NOX4: variants seen among roughly 807,000 people sequenced by gnomAD.
NOX4 encodes the protein NADPH oxidase 4, also known as kidney oxidase-1.
A neutral mutation model predicts 87.6 loss-of-function variants in NOX4; 69 were observed. The observed-to-expected ratio is 0.79, with a 90% CI of 0.65 to 0.96. The LOEUF (loss-of-function observed/expected upper bound fraction) is 0.96, where lower values mean the gene tolerates loss of function less well. Among genes scored for constraint, NOX4 ranks in the 40% least tolerant of loss-of-function variants. NOX4 has a pLI of 0.00. For missense variants in NOX4, 680 were observed against 681.5 expected (o/e 1.00, Z 0.02); for synonymous variants, 275 against 238.2 (o/e 1.15, Z -1.42).
chr11:89,395,432 A>T (rs140674822), intron 11 of NOX4, among the ~76,000 whole-genome samples: 1 of 151,872 alleles, frequency 6.6e-6, no homozygotes, highest in Non-Finnish European at 1.5e-5. Flanking sequence ...GATTGCAAAA[A>T]TTTTCTCCCA....
At position 89,481,402 on chromosome 11, in the gene NOX4, T is replaced by G. The variant is rs1946385840; in HGVS notation, c.153+9056A>C. ...ATTTGCTGAATGCCTATGTACCAAGTGCTAAGCACTTCACCTGCATTTTCT... is the reference window on the plus strand; with the variant it reads ...ATTTGCTGAATGCCTATGTACCAAGGGCTAAGCACTTCACCTGCATTTTCT... On this transcript the variant is annotated intron_variant, in intron 2 of 17. Transcript: ENST00000263317. Among the ~76,000 whole-genome samples the G allele has an allele frequency of 2.0e-5, 3 of 150,460 alleles. 1 individual carries two copies. The highest frequency in any genetic ancestry group is 7.4e-5 in the African/African-American group (3 of 40,550).
At position 89,488,553 on chromosome 11, in the gene NOX4, G is replaced by C. The variant is rs114329438; in HGVS notation, c.153+1905C>G. Among the ~76,000 whole-genome samples, 322 of 152,078 alleles carry C rather than the reference G, an allele frequency of 2.1e-3. 1 individual carries two copies. The highest frequency in any genetic ancestry group is 7.4e-3 in the African/African-American group (305 of 41,490). ...GGTTTCCAAATAATTATTTTTTTAA[G>C]AAATAAGATGTTATTTTAGCTTATA... On this transcript the variant is annotated intron_variant, in intron 2 of 17. Coordinates refer to ENST00000263317, the MANE Select transcript of NOX4 (RefSeq NM_016931.5).
chr11:89,560,949 C>A, the NOX4 span, among the ~76,000 whole-genome samples: 1 of 126,910 alleles, frequency 7.9e-6, no homozygotes, highest in Non-Finnish European at 1.6e-5. Flanking sequence ...CTAAAAAATT[C>A]CCATCTCATC....
chr11:89,556,704 G>A, the NOX4 span, among the ~76,000 whole-genome samples: 1 of 152,074 alleles, frequency 6.6e-6, no homozygotes, highest in African/African-American at 2.4e-5. Flanking sequence ...TCAATTCAGG[G>A]GAACGGTAAT....
At chr11:89,501,685 C>T (rs1047633939), upstream of NOX4, among the ~76,000 whole-genome samples, 1 of 152,036 alleles carries the variant, frequency 6.6e-6, no homozygotes, top group African/African-American at 2.4e-5. Context: ...CTCACTCTTG[C>T]CACCTTCTGA....
chr11:89,521,605 A>G, the NOX4 span, among the ~76,000 whole-genome samples: 1 of 152,082 alleles, frequency 6.6e-6, no homozygotes, highest in Non-Finnish European at 1.5e-5. Context: ...AACACCATTC[A>G]GGACATCAGC....
chr11:89,332,384 T>C (rs1383359448), intron 17 of NOX4, among the ~76,000 whole-genome samples: 1 of 151,910 alleles, frequency 6.6e-6, no homozygotes, highest in African/African-American at 2.4e-5. Flanking sequence ...TCAAATTTTC[T>C]TTCTCTCTTT....
chr11:89,352,239 C>T lies in NOX4; in HGVS notation c.1217+2723G>A, dbSNP rs115096149. Among the ~76,000 whole-genome samples, 1,252 of 152,264 alleles carry T rather than the reference C, an allele frequency of 8.2e-3. 16 individuals carry two copies. Among genetic ancestry groups the T allele is most frequent in the African/African-American group, 0.027 (1,131 of 41,522 alleles). On this transcript the variant is annotated intron_variant, in intron 13 of 17. Transcript: ENST00000263317. Reference sequence around the variant, plus strand: ...ACAATCTATCCATGTATCAAAATTACATACGTACCACAAAAATTTATACAA... The same window carrying T: ...ACAATCTATCCATGTATCAAAATTATATACGTACCACAAAAATTTATACAA...
intron 2 of NOX4, among the ~76,000 whole-genome samples, chr11:89,474,870 A>G (rs1286338757): frequency 6.6e-6 from 1 of 152,010 alleles, no homozygotes; most frequent in Non-Finnish European, 1.5e-5. Context: ...AATAAAAGAA[A>G]TTAAATGGGT....
At chr11:89,567,650 C>G in the NOX4 span, among the ~76,000 whole-genome samples, 1 of 152,158 alleles carries the variant, frequency 6.6e-6, no homozygotes, top group African/African-American at 2.4e-5. Context: ...TGAGAACTCA[C>G]TCACTATCAC....
Position 89,454,687 on chromosome 11 carries a change from G to C in NOX4, c.154-2792C>G, listed in dbSNP as rs143005395. Among the ~76,000 whole-genome samples the C allele has an allele frequency of 1.3e-3, 192 of 152,100 alleles. No homozygotes were observed. The East Asian group carries it at 0.034, about 27-fold the overall frequency. ...TAAATAGTCTGGGCATAAATAAAAA[G>C]CAAAGCAGGAACAACAAAGATCTCA... On this transcript the variant is annotated intron_variant, in intron 2 of 17. Coordinates refer to ENST00000263317, the MANE Select transcript of NOX4 (RefSeq NM_016931.5).
chr11:89,557,395 A>C, the NOX4 span, among the ~76,000 whole-genome samples: 1 of 152,182 alleles, frequency 6.6e-6, no homozygotes, highest in African/African-American at 2.4e-5. Flanking sequence ...GGAGGGACCC[A>C]AGCCAGGTCA....
intron 8 of NOX4, among the ~76,000 whole-genome samples, chr11:89,410,015 C>A (rs1029006991): frequency 2.6e-5 from 4 of 151,854 alleles, no homozygotes; most frequent in East Asian, 1.9e-4. Flanking sequence ...TGAGGCCAGA[C>A]TTTTGAGACC....
intron 8 of NOX4, among the ~76,000 whole-genome samples, chr11:89,412,163 C>T (rs2156631): frequency 2.6e-5 from 4 of 152,066 alleles, no homozygotes; most frequent in South Asian, 4.1e-4. Flanking sequence ...CACACAAAAA[C>T]GTAAAGCAAA....
At chr11:89,432,691 A>G (rs1021215458) in intron 7 of NOX4, 93 bp downstream of exon 7, 2 of 850,406 alleles carry the variant, frequency 2.4e-6, no homozygotes, top group African/African-American at 1.7e-5. Context: ...TCCATTAACC[A>G]GGACACTACA....
the NOX4 span, among the ~76,000 whole-genome samples, chr11:89,506,223 G>GAA: frequency 1.4e-4 from 20 of 144,356 alleles, no homozygotes; most frequent in African/African-American, 4.9e-4. Flanking sequence ...GAAAGAAAGA[G>GAA]AGAAAGAAAG....
At chr11:89,554,033 A>G in the NOX4 span, among the ~76,000 whole-genome samples, 1 of 152,064 alleles carries the variant, frequency 6.6e-6, no homozygotes, top group African/African-American at 2.4e-5. Context: ...GTCCTTGAGA[A>G]AGATATTCCT....
chr11:89,436,305 T>C (rs760490665), intron 6 of NOX4, among the ~76,000 whole-genome samples: 1 of 152,170 alleles, frequency 6.6e-6, no homozygotes, highest in Non-Finnish European at 1.5e-5. Context: ...CTAGCCTTGG[T>C]TGACAGCTCA....
intron 11 of NOX4, among the ~76,000 whole-genome samples, chr11:89,384,960 T>C (rs1940583377): frequency 6.6e-6 from 1 of 152,178 alleles, no homozygotes; most frequent in Admixed American, 6.5e-5. Flanking sequence ...ACTTGGTTTA[T>C]CGATGGCAGT....
Sources: gnomAD v4.1 joint callset for allele counts (sites outside exome capture counted in the v4.1 genomes callset) on GRCh38, gnomAD v4.1.1 for gene constraint, MANE v1.5 for transcripts, NCBI Gene and HGNC (gene_info 2026-07-23, HGNC 2026-07-21) for gene names.